Variants in CDH7 observed in about 807,000 individuals in gnomAD.
The protein encoded by CDH7 is cadherin-7.
Under a neutral mutation model 71.8 loss-of-function variants are expected in CDH7, and 25 were observed. That is an observed-to-expected ratio of 0.35 (90% CI 0.25 to 0.49). The LOEUF (loss-of-function observed/expected upper bound fraction) is 0.49, where lower values mean the gene tolerates loss of function less well. Ranked by LOEUF, CDH7 falls within the 20% of genes least tolerant of loss-of-function variation. The pLI is 0.99. For synonymous variants in CDH7, 381 were observed against 363.8 expected, an observed-to-expected ratio of 1.05 and a Z score of -0.54; for missense variants, 862 against 974.6, an observed-to-expected ratio of 0.88 and a Z score of 1.54.
intron 6 of CDH7, among the ~76,000 whole-genome samples, chr18:65,842,450 T>A (rs1211614277): frequency 3.3e-5 from 5 of 151,754 alleles, no homozygotes; most frequent in African/African-American, 1.2e-4. Context: ...TCTTTAATAT[T>A]TGTGTGCAAA....
At chr18:65,810,046 G>T in intron 3 of CDH7, 48 bp downstream of exon 3, 2 of 1,419,638 alleles carry the variant, frequency 1.4e-6, no homozygotes, top group Non-Finnish European at 1.9e-6. Flanking sequence ...GATTTGGGGA[G>T]ATTTGTATTT....
chr18:65,832,291 T>C (rs1046918390), intron 6 of CDH7, among the ~76,000 whole-genome samples: 1 of 152,104 alleles, frequency 6.6e-6, no homozygotes, highest in Non-Finnish European at 1.5e-5. Flanking sequence ...TTGAATGTAT[T>C]ATACTTGGCA....
At chr18:65,858,529 A>G (rs1355744294) in intron 8 of CDH7, among the ~76,000 whole-genome samples, 1 of 152,026 alleles carries the variant, frequency 6.6e-6, no homozygotes, top group Non-Finnish European at 1.5e-5. Flanking sequence ...TTCATGGTTT[A>G]CCATTTATTC....
chr18:65,756,410 T>C (rs1006273694), intron 1 of CDH7, among the ~76,000 whole-genome samples: 9 of 152,216 alleles, frequency 5.9e-5, no homozygotes, highest in Non-Finnish European at 8.8e-5. Context: ...ACACTTGTTT[T>C]TCTAGAAAAT....
chr18:65,839,693 T>C (rs1446962509), intron 6 of CDH7, among the ~76,000 whole-genome samples: 4 of 152,116 alleles, frequency 2.6e-5, no homozygotes, highest in African/African-American at 9.7e-5. Flanking sequence ...ATTAAGAAGG[T>C]GATAGTCTCT....
chr18:65,860,250 C>G (rs559617148), intron 10 of CDH7, among the ~76,000 whole-genome samples: 5 of 152,068 alleles, frequency 3.3e-5, no homozygotes, highest in Non-Finnish European at 5.9e-5. Context: ...TTCGATAATA[C>G]CCCTTACTCT....
intron 2 of CDH7, among the ~76,000 whole-genome samples, chr18:65,782,107 C>CTTTCTTTCTTTCT (rs1555682165): frequency 7.9e-5 from 2 of 25,238 alleles, no homozygotes; most frequent in Non-Finnish European, 1.2e-4. Context: ...TCCTTCCTTC[C>CTTTCTTTCTTTCT]TTCTTTCTTT....
At chr18:65,839,010 T>C (rs958257996) in intron 6 of CDH7, among the ~76,000 whole-genome samples, 4 of 152,184 alleles carry the variant, frequency 2.6e-5, no homozygotes, top group Non-Finnish European at 5.9e-5. Flanking sequence ...CTAGGTGCTA[T>C]TTATTTCTCA....
chr18:65,793,617 C>T (rs1236565108), intron 2 of CDH7, among the ~76,000 whole-genome samples: 2 of 152,006 alleles, frequency 1.3e-5, no homozygotes, highest in Admixed American at 1.3e-4. Flanking sequence ...TTATAAGTTG[C>T]CTAGAACATC....
intron 10 of CDH7, among the ~76,000 whole-genome samples, chr18:65,862,035 A>T (rs900358779): frequency 6.6e-6 from 1 of 152,166 alleles, no homozygotes; most frequent in Non-Finnish European, 1.5e-5. Flanking sequence ...AATTGCTTAG[A>T]TGAATTCAAA....
At chr18:65,844,797 G>T (rs1311670241) in intron 7 of CDH7, among the ~76,000 whole-genome samples, 1 of 151,976 alleles carries the variant, frequency 6.6e-6, no homozygotes, top group African/African-American at 2.4e-5. Flanking sequence ...ATTATAAATA[G>T]AATATACTTG....
intron 2 of CDH7, among the ~76,000 whole-genome samples, chr18:65,777,210 CA>C (rs11312774): frequency 0.034 from 5,154 of 152,104 alleles, 286 homozygotes; most frequent in African/African-American, 0.12. Flanking sequence ...GGGCTTCCTG[CA>C]GTGTAATTCT....
At chr18:65,820,786 A>C (rs1290365528) in intron 4 of CDH7, among the ~76,000 whole-genome samples, 2 of 152,130 alleles carry the variant, frequency 1.3e-5, no homozygotes, top group Admixed American at 6.5e-5. Flanking sequence ...TAACGATGCT[A>C]TATGTCCTTT....
intron 6 of CDH7, among the ~76,000 whole-genome samples, chr18:65,841,672 A>G (rs1483500353): frequency 6.6e-6 from 1 of 152,180 alleles, no homozygotes; most frequent in Non-Finnish European, 1.5e-5. Flanking sequence ...AGATAGGCCC[A>G]AGAAAATTTT....
chr18:65,763,993 A>G (rs1916281150), intron 2 of CDH7, among the ~76,000 whole-genome samples: 1 of 152,036 alleles, frequency 6.6e-6, no homozygotes. Context: ...TAAATAGGGT[A>G]TATTAGCACA....
chr18:65,794,726 GA>G (rs1910846498), intron 2 of CDH7, among the ~76,000 whole-genome samples: 1 of 152,076 alleles, frequency 6.6e-6, no homozygotes, highest in Admixed American at 6.5e-5. Flanking sequence ...AGATGGGTGG[GA>G]GTGGAAATGG....
chr18:65,809,969 C>G lies in CDH7; in HGVS notation c.476C>G (p.Thr159Arg). 1 of 1,611,774 alleles carries G rather than the reference C, an allele frequency of 6.2e-7. No homozygotes were observed. The highest frequency in any genetic ancestry group is 1.1e-5 in the South Asian group (1 of 91,042). ...CCCAAATTTTTGGATGGCCCATACACGGCAGGAGTTCCCGAAATGTCTCCC... is the reference window on the plus strand; with the variant it reads ...CCCAAATTTTTGGATGGCCCATACAGGGCAGGAGTTCCCGAAATGTCTCCC... ...NEPKFLDGPY[T>R]AGVPEMSPVG... The change falls in exon 3 of 12, where the codon ACG becomes AGG. Residue 159 changes from threonine to arginine, a missense_variant. Coordinates refer to ENST00000397968, the MANE Select transcript of CDH7 (RefSeq NM_004361.5).
intron 2 of CDH7, among the ~76,000 whole-genome samples, chr18:65,773,059 T>G (rs558636302): frequency 6.6e-6 from 1 of 152,176 alleles, no homozygotes; most frequent in African/African-American, 2.4e-5. Context: ...TTTCAGTTTT[T>G]TACTTCACTT....
chr18:65,762,606 G>A (rs932154946), intron 1 of CDH7, 41 bp from the exon 2 acceptor site: 19 of 368,280 alleles, frequency 5.2e-5, no homozygotes, highest in Non-Finnish European at 4.9e-6. Flanking sequence ...ATTATTATGT[G>A]TTTTGGTTCC....
Sources: gnomAD v4.1 joint callset for allele counts (sites outside exome capture counted in the v4.1 genomes callset) on GRCh38, gnomAD v4.1.1 for gene constraint, MANE v1.5 for transcripts, NCBI Gene and HGNC (gene_info 2026-07-23, HGNC 2026-07-21) for gene names.